SP140: variants seen among roughly 807,000 people sequenced by gnomAD.
SP140 encodes nuclear body protein SP140.
Under a neutral mutation model 125.0 loss-of-function variants are expected in SP140, and 81 were observed. The observed-to-expected ratio is 0.65, with a 90% confidence interval of 0.54 to 0.78. The LOEUF (loss-of-function observed/expected upper bound fraction) is 0.78. SP140 is among the 30% of genes least tolerant of loss of function. The probability of loss-of-function intolerance (pLI) is 0.00; values close to 1 mark genes in which losing one functional copy is unlikely to be tolerated. For synonymous variants in SP140, 312 were observed against 354.0 expected (o/e 0.88, Z 1.33); for missense variants, 858 against 1,037.0 (o/e 0.83, Z 2.37).
In SP140 at chr2:230,311,174, G is replaced by C; in HGVS notation, c.2304G>C (p.Leu768Phe). The part of the protein sequence containing the change: ...EEQLKCEFLL[L>F]KVYCCSESSF... ...TGCAGAAATGTGAGTTCCTCCTCTT[G>C]AAAGTCTATTGCTGTTCTGAGAGCT... Residue 768 changes from leucine to phenylalanine, a missense_variant, in exon 25 of 27, where the codon TTG becomes TTC. By Grantham distance (22) the Leu-to-Phe change is conservative (BLOSUM62 0). This residue lies in a region of SP140 where 22 missense variants were observed against 50.5 expected (regional missense o/e 0.44). Coordinates refer to ENST00000392045, the MANE Select transcript of SP140 (RefSeq NM_007237.5). The C allele has an allele frequency of 1.2e-6, 2 of 1,608,492 alleles. No individual in the cohort carries two copies. The highest frequency in any genetic ancestry group is 1.7e-6 in the Non-Finnish European group (2 of 1,178,344).
upstream of SP140, chr2:230,201,004 A>G: frequency 6.7e-7 from 1 of 1,499,844 alleles, no homozygotes; most frequent in East Asian, 2.3e-5. Flanking sequence ...CCCTTGGGAA[A>G]CACCATGGAG....
intron 4 of SP140, among the ~76,000 whole-genome samples, chr2:230,242,523 A>T (rs539907255): frequency 1.3e-5 from 2 of 152,176 alleles, no homozygotes; most frequent in Non-Finnish European, 2.9e-5. Context: ...ACATTTATTC[A>T]TGGACCTGAG....
chr2:230,190,023 T>C, the SP140 span, among the ~76,000 whole-genome samples: 2 of 152,242 alleles, frequency 1.3e-5, no homozygotes, highest in Non-Finnish European at 2.9e-5. Flanking sequence ...TACATGTGCA[T>C]GTGTCTTTAC....
rs545221015 is a variant in SP140 at position 230,306,738 on chromosome 2, G to C, written c.2059-3186G>C. Among the ~76,000 whole-genome samples, 11 of 152,372 alleles carry C rather than the reference G, an allele frequency of 7.2e-5. No homozygotes were observed. The South Asian group carries it at 2.3e-3, about 32-fold the overall frequency. On this transcript the variant is annotated intron_variant, in intron 22 of 26. Transcript: ENST00000392045. ...TGCACCCCTCTGGATTTTGGGTGCT[G>C]ACGATCATAGGAGAGAGGCCAAGAA...
chr2:230,189,636 G>A, the SP140 span, among the ~76,000 whole-genome samples: 3 of 152,054 alleles, frequency 2.0e-5, no homozygotes, highest in Non-Finnish European at 4.4e-5. Flanking sequence ...ACATAGGTAT[G>A]CATGTGCCAT....
intron 22 of SP140, among the ~76,000 whole-genome samples, chr2:230,307,830 G>T (rs2058909809): frequency 6.6e-6 from 1 of 151,846 alleles, no homozygotes; most frequent in Non-Finnish European, 1.5e-5. Flanking sequence ...CAAAACTCAG[G>T]CAAAGGCACA....
intron 3 of SP140, among the ~76,000 whole-genome samples, chr2:230,220,275 C>A (rs749812101): frequency 2.0e-5 from 3 of 152,180 alleles, no homozygotes; most frequent in Non-Finnish European, 4.4e-5. Context: ...CTAACCACAT[C>A]TATTTTCCCA....
chr2:230,214,852 G>A (rs540562254), intron 3 of SP140: 14 of 980,270 alleles, frequency 1.4e-5, no homozygotes, highest in Admixed American at 3.5e-5. Flanking sequence ...GAGAGAAGGC[G>A]GGGGATTAAC....
intron 1 of SP140, among the ~76,000 whole-genome samples, chr2:230,232,892 T>C (rs180784751): frequency 6.6e-6 from 1 of 152,112 alleles, no homozygotes; most frequent in East Asian, 1.9e-4. Flanking sequence ...ACTTTTTAAA[T>C]GTGAGTATTG....
intron 9 of SP140, among the ~76,000 whole-genome samples, chr2:230,249,527 C>A (rs368281072): frequency 1.6e-4 from 24 of 151,954 alleles, no homozygotes; most frequent in East Asian, 1.5e-3. Context: ...AAATAAGGGA[C>A]ATTTTACCAG....
chr2:230,195,999 A>G, the SP140 span, among the ~76,000 whole-genome samples: 1 of 152,226 alleles, frequency 6.6e-6, no homozygotes, highest in African/African-American at 2.4e-5. Context: ...AATCATCTCT[A>G]TATTACTACT....
In SP140 at chr2:230,237,355, G is replaced by T; in HGVS notation, c.237+95G>T. 9.3e-7 allele frequency: 1 copy of T among 1,070,170 alleles called. No homozygotes were observed. The highest frequency in any genetic ancestry group is 1.5e-5 in the South Asian group (1 of 68,686). 66.3% of individuals were successfully genotyped at this position (1,070,170 alleles called of 1,614,324 possible). A position where few individuals can be genotyped will look rare whatever the true frequency, so the allele number is the denominator to read the frequency against. ...GAGCAGGCTAAAGGGCCTCCTGTGA[G>T]TGGGGACCTTCACCATTCTGTAGGT... On this transcript the variant is annotated intron_variant, in intron 2 of 26. Transcript: ENST00000392045. The surrounding 1 kb of genome is among the most constrained non-coding windows in gnomAD (Gnocchi z 5.4).
At chr2:230,281,297 A>G (rs933467933) in intron 15 of SP140, among the ~76,000 whole-genome samples, 1 of 152,168 alleles carries the variant, frequency 6.6e-6, no homozygotes, top group Non-Finnish European at 1.5e-5. Context: ...CTATCCACTC[A>G]CTAACCGGTG....
chr2:230,241,322 A>G, intron 3 of SP140, 82 bp from the exon 4 acceptor site: 1 of 855,994 alleles, frequency 1.2e-6, no homozygotes, highest in Non-Finnish European at 2.0e-6. Context: ...TGGGGCTTGG[A>G]CATCAAGTTC....
intron 21 of SP140, among the ~76,000 whole-genome samples, chr2:230,294,649 A>G (rs2057499145): frequency 6.6e-6 from 1 of 152,216 alleles, no homozygotes; most frequent in Non-Finnish European, 1.5e-5. Flanking sequence ...TGGGATACAT[A>G]AAAATATTTC....
At chr2:230,312,558 A>T in intron 26 of SP140, 28 bp from the exon 27 acceptor site, 3 of 1,467,230 alleles carry the variant, frequency 2.0e-6, no homozygotes, top group Non-Finnish European at 2.9e-6. Flanking sequence ...GATGAGGAGC[A>T]TTGTTTTTGT....
intron 15 of SP140, among the ~76,000 whole-genome samples, chr2:230,281,303 C>T (rs759077124): frequency 9.9e-5 from 15 of 152,256 alleles, no homozygotes; most frequent in African/African-American, 3.4e-4. Context: ...ACTCACTAAC[C>T]GGTGGTCAAG....
intron 18 of SP140, among the ~76,000 whole-genome samples, chr2:230,288,468 T>A (rs2056695599): frequency 2.5e-5 from 2 of 81,574 alleles, no homozygotes; most frequent in African/African-American, 9.2e-5. Context: ...TTTCTTTCTT[T>A]CTTTCTTTCT....
chr2:230,199,938 T>C (rs933877371), upstream of SP140, among the ~76,000 whole-genome samples: 1 of 152,132 alleles, frequency 6.6e-6, no homozygotes, highest in African/African-American at 2.4e-5. Context: ...CAGCCAGCCC[T>C]TACCCAGGGG....
Sources: allele counts gnomAD v4.1 joint callset (sites outside exome capture counted in the v4.1 genomes callset), GRCh38; gene constraint gnomAD v4.1.1; regional missense constraint gnomAD v4.1.1; non-coding constraint Gnocchi (gnomAD v3.1); transcripts MANE v1.5; gene names NCBI Gene and HGNC (gene_info 2026-07-23, HGNC 2026-07-21).